Variants in PHLDB2 observed in about 807,000 individuals in gnomAD.
The protein encoded by PHLDB2 is pleckstrin homology-like domain family B member 2.
A neutral mutation model predicts 123.6 loss-of-function variants in PHLDB2; 71 were observed. The ratio of observed to expected loss-of-function variants is 0.57; its 90% CI spans 0.47 to 0.70. The LOEUF is 0.70. Ranked by LOEUF, PHLDB2 falls within the 30% of genes least tolerant of loss-of-function variation. PHLDB2 has a pLI of 0.00. For synonymous variants in PHLDB2, 547 were observed against 541.6 expected (o/e 1.01, Z -0.14); for missense variants, 1,446 against 1,519.5 (o/e 0.95, Z 0.80).
intron 1 of PHLDB2, among the ~76,000 whole-genome samples, chr3:111,843,958 C>T (rs10934114): frequency 0.71 from 107,704 of 152,084 alleles, 38,366 homozygotes; most frequent in Middle Eastern, 0.85. Context: ...AAACTCAGTA[C>T]GTAAAAAACT....
chr3:111,881,791 T>C (rs1166876001), intron 1 of PHLDB2, among the ~76,000 whole-genome samples: 1 of 150,628 alleles, frequency 6.6e-6, no homozygotes, highest in Non-Finnish European at 1.5e-5. Flanking sequence ...TTTTTTTCAG[T>C]ATTTCTAGGC....
intron 1 of PHLDB2, among the ~76,000 whole-genome samples, chr3:111,827,908 A>T (rs2062746373): frequency 6.6e-6 from 1 of 152,142 alleles, no homozygotes; most frequent in Non-Finnish European, 1.5e-5. Flanking sequence ...AAAGATAGAC[A>T]TGGAAGTCTG....
At chr3:111,955,144 G>GATATATATAT (rs1553754364) in intron 12 of PHLDB2, among the ~76,000 whole-genome samples, 1,903 of 145,276 alleles carry the variant, frequency 0.013, 22 homozygotes, top group South Asian at 0.055. Context: ...ATGTATATAT[G>GATATATATAT]ATATATATAT....
intron 1 of PHLDB2, among the ~76,000 whole-genome samples, chr3:111,776,393 T>A (rs1408764385): frequency 6.6e-6 from 1 of 152,108 alleles, no homozygotes. Context: ...TGTAACCTAT[T>A]TTCAAAGTAT....
chr3:111,866,930 G>GGTGTGTGTGTGT (rs3082321), intron 1 of PHLDB2, among the ~76,000 whole-genome samples: 12,260 of 125,666 alleles, frequency 0.098, 767 homozygotes, highest in Middle Eastern at 0.13. Flanking sequence ...GTTTCTAAGG[G>GGTGTGTGTGTGT]GTGTGTGTGT....
rs888841131 is a variant in PHLDB2 at position 111,958,221 on chromosome 3, C to G, written c.2873-3887C>G. 4.4e-5 allele frequency: 43 copies of G among 968,614 alleles called. 1 individual carries two copies. The African/African-American group carries it at 7.2e-4, about 16-fold the overall frequency. The allele number at this position is 968,614 out of a possible 1,614,324, so 60.0% of individuals were successfully genotyped here. A position where few individuals can be genotyped will look rare whatever the true frequency, so the allele number is the denominator to read the frequency against. On this transcript the variant is annotated intron_variant, in intron 12 of 17. Transcript: ENST00000431670. ...TTCCCTTTCTACAATCATTCTCCCT[C>G]TTCATTCCTGACTTGTCCTGTGCCC...
intron 1 of PHLDB2, among the ~76,000 whole-genome samples, chr3:111,806,508 G>A (rs1033944241): frequency 8.2e-5 from 12 of 146,128 alleles, no homozygotes; most frequent in African/African-American, 1.3e-4. Context: ...TTTTTGAGAC[G>A]GAGTCTCACT....
chr3:111,766,155 T>G (rs6790072), intron 1 of PHLDB2, among the ~76,000 whole-genome samples: 75,930 of 151,638 alleles, frequency 0.5, 19,562 homozygotes, highest in African/African-American at 0.62. Flanking sequence ...AGAATCTGAT[T>G]AAAGGCCAGG....
At chr3:111,768,204 A>G (rs2060115104) in intron 1 of PHLDB2, among the ~76,000 whole-genome samples, 1 of 152,092 alleles carries the variant, frequency 6.6e-6, no homozygotes. Context: ...TTTGATAGAA[A>G]CTGGATTGCA....
rs1046159369 is a variant in PHLDB2 at position 111,947,950 on chromosome 3, T to A, written c.2488-982T>A. Reference sequence around the variant, plus strand: ...GTCAAATTTAACTCAATTTCAGCTTTAAAAGAGAGGTGTTATTTTATATAG... The same window carrying A: ...GTCAAATTTAACTCAATTTCAGCTTAAAAAGAGAGGTGTTATTTTATATAG... On this transcript the variant is annotated intron_variant, in intron 9 of 17. Transcript: ENST00000431670. Among the ~76,000 whole-genome samples the A allele has an allele frequency of 1.7e-4, 26 of 152,236 alleles. 1 individual carries two copies. Among genetic ancestry groups the A allele is most frequent in the Non-Finnish European group, 3.4e-4 (23 of 68,034 alleles).
chr3:111,848,899 C>T (rs1374893570), intron 2 of PHLDB2, among the ~76,000 whole-genome samples: 1 of 152,202 alleles, frequency 6.6e-6, no homozygotes, highest in Non-Finnish European at 1.5e-5. Flanking sequence ...CTATGCCATT[C>T]TTATGGTTAT....
intron 1 of PHLDB2, among the ~76,000 whole-genome samples, chr3:111,784,152 G>A (rs73855616): frequency 8.5e-4 from 129 of 152,164 alleles, no homozygotes; most frequent in African/African-American, 3.1e-3. Context: ...TATTCTAACA[G>A]GCAATAAATA....
At chr3:111,794,184 A>G (rs72949179) in intron 1 of PHLDB2, among the ~76,000 whole-genome samples, 4 of 151,904 alleles carry the variant, frequency 2.6e-5, no homozygotes, top group Non-Finnish European at 5.9e-5. Flanking sequence ...GCTGGGATGC[A>G]TGATTCCCCT....
At chr3:111,940,481 C>T in intron 7 of PHLDB2, 54 bp from the exon 8 acceptor site, 4 of 1,044,488 alleles carry the variant, frequency 3.8e-6, no homozygotes, top group Non-Finnish European at 5.6e-6. Context: ...GACAGACTAG[C>T]AAACCTTTGA....
chr3:111,852,176 G>A (rs1291807047), intron 2 of PHLDB2, among the ~76,000 whole-genome samples: 1 of 151,518 alleles, frequency 6.6e-6, no homozygotes, highest in East Asian at 1.9e-4. Context: ...GCTCTCAGTT[G>A]TCAGAATTCT....
At chr3:111,911,641 T>C (rs1318217546) in intron 2 of PHLDB2, 10 of 1,536,094 alleles carry the variant, frequency 6.5e-6, no homozygotes, top group Non-Finnish European at 8.7e-6. Flanking sequence ...GATGAGAGTG[T>C]GTAGCTATGA....
chr3:111,965,491 A>G (rs958650384), intron 13 of PHLDB2, among the ~76,000 whole-genome samples: 26 of 152,230 alleles, frequency 1.7e-4, no homozygotes, highest in Non-Finnish European at 3.5e-4. Flanking sequence ...TACTATATTA[A>G]TAAGTATCTA....
At chr3:111,826,662 C>T (rs2062667097) in intron 1 of PHLDB2, among the ~76,000 whole-genome samples, 1 of 152,080 alleles carries the variant, frequency 6.6e-6, no homozygotes, top group Non-Finnish European at 1.5e-5. Flanking sequence ...TCCTTAATAC[C>T]CAACAGTAAT....
At position 111,966,500 on chromosome 3, in the gene PHLDB2, C is replaced by CGTGTGT. The variant is rs538320361; in HGVS notation, c.3078-113_3078-112insGTGTGT. 1.5e-4 allele frequency: 72 copies of CGTGTGT among 467,642 alleles called. 1 individual carries two copies. Among genetic ancestry groups the CGTGTGT allele is most frequent in the African/African-American group, 1.0e-3 (45 of 44,474 alleles). 29.0% of individuals were successfully genotyped at this position (467,642 alleles called of 1,614,324 possible). A position where few individuals can be genotyped will look rare whatever the true frequency, so the allele number is the denominator to read the frequency against. ...TTTTGTTATGCACCTCCCTTGACCC[C>CGTGTGT]ATGTGTGTGTGTGTGTGTGTGTCTG... On this transcript the variant is annotated intron_variant, in intron 13 of 17. Transcript: ENST00000431670.
Sources: gnomAD v4.1 joint callset for allele counts (sites outside exome capture counted in the v4.1 genomes callset) on GRCh38, gnomAD v4.1.1 for gene constraint, MANE v1.5 for transcripts, NCBI Gene and HGNC (gene_info 2026-07-23, HGNC 2026-07-21) for gene names.